GRIK1: variants seen among roughly 807,000 people sequenced by gnomAD.
GRIK1 encodes the protein glutamate receptor ionotropic, kainate 1.
In GRIK1, 69 loss-of-function variants were observed where a neutral mutation model predicts 105.7. The ratio of observed to expected loss-of-function variants is 0.65; its 90% CI spans 0.54 to 0.80. The LOEUF is 0.80. Ranked by LOEUF, GRIK1 falls within the 30% of genes least tolerant of loss-of-function variation. GRIK1 has a pLI of 0.00. For missense variants in GRIK1, 1,109 were observed against 1,167.3 expected (o/e 0.95, Z 0.73); for synonymous variants, 438 against 431.3 (o/e 1.02, Z -0.19).
chr21:29,926,538 TCA>T (rs1484349546), intron 1 of GRIK1, among the ~76,000 whole-genome samples: 2 of 152,164 alleles, frequency 1.3e-5, no homozygotes, highest in Non-Finnish European at 2.9e-5. Flanking sequence ...CTTAGTATTC[TCA>T]GTTATGAAAT....
At chr21:29,899,814 T>C (rs56010493) in intron 1 of GRIK1, among the ~76,000 whole-genome samples, 2,297 of 152,226 alleles carry the variant, frequency 0.015, 62 homozygotes, top group African/African-American at 0.053. Flanking sequence ...TGAACTGAGA[T>C]GGGACAGAAA....
intron 1 of GRIK1, among the ~76,000 whole-genome samples, chr21:29,702,618 G>A (rs2063833334): frequency 6.6e-6 from 1 of 152,172 alleles, no homozygotes; most frequent in South Asian, 2.1e-4. Flanking sequence ...AGCTGAGGCA[G>A]GAGAATCGCT....
intron 1 of GRIK1, among the ~76,000 whole-genome samples, chr21:29,896,253 T>A (rs462393): frequency 0.22 from 33,737 of 152,126 alleles, 4,281 homozygotes; most frequent in African/African-American, 0.34. Context: ...TGTAGTTTTG[T>A]CATTTGAAAT....
intron 1 of GRIK1, among the ~76,000 whole-genome samples, chr21:29,919,240 GA>G (rs2071108148): frequency 6.6e-6 from 1 of 152,140 alleles, no homozygotes; most frequent in Non-Finnish European, 1.5e-5. Context: ...TATGAAGCCT[GA>G]AGGCAAGAGA....
intron 15 of GRIK1, 134 bp downstream of exon 15, chr21:29,561,490 G>T (rs560667976): frequency 3.2e-6 from 2 of 630,268 alleles, no homozygotes; most frequent in Non-Finnish European, 5.8e-6. Flanking sequence ...CTATATGGAT[G>T]TTTACATTAT....
intron 1 of GRIK1, among the ~76,000 whole-genome samples, chr21:29,825,453 G>A (rs2145940720): frequency 6.6e-6 from 1 of 152,160 alleles, no homozygotes; most frequent in South Asian, 2.1e-4. Context: ...CTTGATATCT[G>A]TGATGCTAGA....
intron 10 of GRIK1, among the ~76,000 whole-genome samples, chr21:29,590,668 A>G (rs1184427682): frequency 6.6e-6 from 1 of 152,222 alleles, no homozygotes; most frequent in Non-Finnish European, 1.5e-5. Flanking sequence ...CCCTAAAAAC[A>G]GTGCCACTGA....
intron 7 of GRIK1, among the ~76,000 whole-genome samples, chr21:29,620,295 C>A (rs909121439): frequency 6.6e-6 from 1 of 152,122 alleles, no homozygotes; most frequent in African/African-American, 2.4e-5. Context: ...GTATTTCTTG[C>A]CTGAGTGGAC....
At chr21:29,873,432 T>G (rs1157713142) in intron 1 of GRIK1, among the ~76,000 whole-genome samples, 1 of 152,220 alleles carries the variant, frequency 6.6e-6, no homozygotes, top group African/African-American at 2.4e-5. Flanking sequence ...GGGTGTAAAC[T>G]TGGATATATT....
chr21:29,561,871 T>C, intron 14 of GRIK1, 22 bp from the exon 15 acceptor site: 1 of 1,427,272 alleles, frequency 7.0e-7, no homozygotes, highest in South Asian at 1.2e-5. Flanking sequence ...GAAAACACAC[T>C]CACCAGCAGA....
At chr21:29,804,809 T>A (rs896505761) in intron 1 of GRIK1, among the ~76,000 whole-genome samples, 4 of 152,302 alleles carry the variant, frequency 2.6e-5, no homozygotes, top group Admixed American at 2.0e-4. Context: ...TATACATAAG[T>A]GTCATTAAAA....
rs2064000437 is a variant in GRIK1, at chr21:29,709,728, G to GT, written c.119-15666dup. Among the ~76,000 whole-genome samples the GT allele has an allele frequency of 2.6e-5, 4 of 151,224 alleles. 1 individual carries two copies. The South Asian group carries it at 8.4e-4, about 32-fold the overall frequency. ...ATATTTTTTCCTAGGTATTTTGCAG[G>GT]TTTTTTTCACAGTTGAGTTTGATCT... On this transcript the variant is annotated intron_variant, in intron 1 of 17. Transcript: ENST00000327783.
intron 1 of GRIK1, among the ~76,000 whole-genome samples, chr21:29,867,904 A>G (rs58344236): frequency 0.026 from 1,498 of 57,342 alleles, 41 homozygotes; most frequent in African/African-American, 0.091. Flanking sequence ...GAGAGAGAGA[A>G]AGAAAGAGAG....
At chr21:29,853,677 A>G (rs554368344) in intron 1 of GRIK1, among the ~76,000 whole-genome samples, 1 of 152,338 alleles carries the variant, frequency 6.6e-6, no homozygotes, top group African/African-American at 2.4e-5. Flanking sequence ...ATTTATTAGC[A>G]TATTGATAGC....
chr21:29,682,289 G>A (rs73352560), intron 3 of GRIK1, among the ~76,000 whole-genome samples: 4,733 of 152,218 alleles, frequency 0.031, 229 homozygotes, highest in African/African-American at 0.11. Context: ...TTCTTTTGCA[G>A]CCTAAACATT....
At chr21:29,821,031 G>A (rs2067287583) in intron 1 of GRIK1, among the ~76,000 whole-genome samples, 1 of 150,304 alleles carries the variant, frequency 6.7e-6, no homozygotes, top group Non-Finnish European at 1.5e-5. Context: ...AAAACTGTTA[G>A]GAGCACCAAC....
At chr21:29,875,211 T>C (rs2069151216) in intron 1 of GRIK1, among the ~76,000 whole-genome samples, 1 of 152,118 alleles carries the variant, frequency 6.6e-6, no homozygotes, top group South Asian at 2.1e-4. Context: ...AGTGTCTCTG[T>C]AATTGGCCCA....
At chr21:29,694,118 T>A (rs1489334996) in intron 1 of GRIK1, 55 bp from the exon 2 acceptor site, 1 of 232,876 alleles carries the variant, frequency 4.3e-6, no homozygotes, top group South Asian at 1.0e-4. Flanking sequence ...TCACATGTAA[T>A]TTTTTTTTTT....
intron 7 of GRIK1, among the ~76,000 whole-genome samples, chr21:29,614,711 C>A (rs1243618728): frequency 6.6e-6 from 1 of 151,420 alleles, no homozygotes. Flanking sequence ...CCGCGCCCAG[C>A]CCCCACCTTT....
Sources: gnomAD v4.1 joint callset for allele counts (sites outside exome capture counted in the v4.1 genomes callset) on GRCh38, gnomAD v4.1.1 for gene constraint, MANE v1.5 for transcripts, NCBI Gene and HGNC (gene_info 2026-07-23, HGNC 2026-07-21) for gene names.